ELAVL2: variants seen among roughly 807,000 people sequenced by gnomAD.
The protein encoded by ELAVL2 is ELAV like RNA binding protein 2, also known as ELAV-like protein 2.
A neutral mutation model predicts 34.6 loss-of-function variants in ELAVL2; 4 were observed. That is an observed-to-expected ratio of 0.12 (90% confidence interval 0.06 to 0.26). ELAVL2 has a LOEUF of 0.26. Among genes scored for constraint, ELAVL2 ranks in the 10% least tolerant of loss-of-function variants. ELAVL2 has a pLI of 1.00. For synonymous variants in ELAVL2, 193 were observed against 154.8 expected (o/e 1.25, Z -1.83); for missense variants, 432 against 442.8 (o/e 0.98, Z 0.22).
intron 1 of ELAVL2, among the ~76,000 whole-genome samples, chr9:23,804,645 C>T (rs1338084528): frequency 6.6e-6 from 1 of 152,136 alleles, no homozygotes; most frequent in Non-Finnish European, 1.5e-5. Context: ...AGTCTATTTG[C>T]ATTTTTAATT....
chr9:23,815,565 T>G (rs190855515), intron 1 of ELAVL2, among the ~76,000 whole-genome samples: 1 of 152,196 alleles, frequency 6.6e-6, no homozygotes, highest in Non-Finnish European at 1.5e-5. Context: ...CCTTTCCAAT[T>G]CAGTCAATGT....
At chr9:23,831,804 A>T in the ELAVL2 span, among the ~76,000 whole-genome samples, 37 of 93,308 alleles carry the variant, frequency 4.0e-4, no homozygotes, top group African/African-American at 9.9e-4. Flanking sequence ...ATATTGTTTA[A>T]AAAAAAAAAA....
chr9:23,783,532 C>T, intron 1 of ELAVL2: 7 of 984,604 alleles, frequency 7.1e-6, no homozygotes, highest in Non-Finnish European at 8.4e-6. Context: ...ATGGAGCTTT[C>T]AAATAAGGCT....
At chr9:23,736,651 T>C (rs1436860834) in intron 2 of ELAVL2, among the ~76,000 whole-genome samples, 1 of 152,188 alleles carries the variant, frequency 6.6e-6, no homozygotes, top group African/African-American at 2.4e-5. Context: ...CTGCCAGTCC[T>C]ACCAGCTAAA....
At chr9:23,847,952 G>A in the ELAVL2 span, among the ~76,000 whole-genome samples, 3 of 151,934 alleles carry the variant, frequency 2.0e-5, no homozygotes, top group African/African-American at 4.8e-5. Flanking sequence ...TAAATCTGAT[G>A]GCTTCTTTGA....
upstream of ELAVL2, among the ~76,000 whole-genome samples, chr9:23,828,296 C>T (rs904250859): frequency 2.0e-5 from 3 of 152,154 alleles, no homozygotes; most frequent in Non-Finnish European, 2.9e-5. Flanking sequence ...TTACCATGCT[C>T]GTAGGTTAAT....
intron 2 of ELAVL2, among the ~76,000 whole-genome samples, chr9:23,742,741 C>A (rs2049560252): frequency 6.6e-6 from 1 of 152,066 alleles, no homozygotes; most frequent in Admixed American, 6.6e-5. Flanking sequence ...CGTCCCCAGT[C>A]GACACAAGGA....
At chr9:23,709,282 A>C (rs2040272460) in intron 3 of ELAVL2, among the ~76,000 whole-genome samples, 1 of 152,154 alleles carries the variant, frequency 6.6e-6, no homozygotes, top group Non-Finnish European at 1.5e-5. Flanking sequence ...TTCATCTAAA[A>C]AGATTATAAA....
intron 4 of ELAVL2, among the ~76,000 whole-genome samples, chr9:23,702,951 CAAAAAAAAAAAAA>C (rs58828236): frequency 9.7e-4 from 46 of 47,652 alleles, no homozygotes; most frequent in Non-Finnish European, 1.0e-3. Context: ...ATCAGATTAG[CAAAAAAAAAAAAA>C]AAAAAAAAAA....
At chr9:23,788,017 C>A (rs2137089638) in intron 1 of ELAVL2, among the ~76,000 whole-genome samples, 1 of 152,224 alleles carries the variant, frequency 6.6e-6, no homozygotes, top group African/African-American at 2.4e-5. Context: ...GCGCAAAAAA[C>A]CAGGTTGGAA....
the ELAVL2 span, among the ~76,000 whole-genome samples, chr9:23,838,215 TA>T: frequency 1.3e-5 from 2 of 152,230 alleles, no homozygotes; most frequent in South Asian, 4.1e-4. Flanking sequence ...CTTTTTTTTT[TA>T]CATTTTCTGC....
chr9:23,702,418 C>G (rs545243245), intron 4 of ELAVL2, among the ~76,000 whole-genome samples: 1 of 152,226 alleles, frequency 6.6e-6, no homozygotes, highest in East Asian at 1.9e-4. Context: ...TAGCCAAGAA[C>G]CTTTCCAGGT....
chr9:23,762,296 CTAT>C (rs1404306701), intron 1 of ELAVL2, 47 bp from the exon 2 acceptor site: 1 of 1,582,126 alleles, frequency 6.3e-7, no homozygotes, highest in Non-Finnish European at 8.6e-7. Flanking sequence ...ATTTCACAAC[CTAT>C]TAGAGACTCC....
chr9:23,710,625 A>AT lies in ELAVL2; in HGVS notation c.334-5555dup, dbSNP rs1441692231. On this transcript the variant is annotated intron_variant, in intron 3 of 6. Transcript: ENST00000397312. ...AGGACTACAAACATTAAACCTGAAA[A>AT]TTAGACACTTGCCACTTTAGACTTT... 6.6e-5 allele frequency among the ~76,000 whole-genome samples: 10 copies of AT among 152,344 alleles called. 1 individual carries two copies. Among genetic ancestry groups the AT allele is most frequent in the African/African-American group, 2.4e-4 (10 of 41,578 alleles).
chr9:23,760,927 C>CA (rs2054831886), intron 2 of ELAVL2, among the ~76,000 whole-genome samples: 1 of 151,930 alleles, frequency 6.6e-6, no homozygotes, highest in Non-Finnish European at 1.5e-5. Flanking sequence ...CGGAATAGCT[C>CA]AAAGTCCCAT....
chr9:23,766,921 T>G (rs2056392596), intron 1 of ELAVL2, among the ~76,000 whole-genome samples: 1 of 152,164 alleles, frequency 6.6e-6, no homozygotes, highest in South Asian at 2.1e-4. Context: ...CATATTCCAG[T>G]GAAACAGAGC....
intron 1 of ELAVL2, among the ~76,000 whole-genome samples, chr9:23,803,094 T>G (rs911159653): frequency 1.3e-5 from 2 of 152,164 alleles, no homozygotes; most frequent in African/African-American, 2.4e-5. Flanking sequence ...TTAGCCCATA[T>G]AGATAAACCT....
At chr9:23,848,904 T>C in the ELAVL2 span, among the ~76,000 whole-genome samples, 2 of 152,172 alleles carry the variant, frequency 1.3e-5, no homozygotes, top group East Asian at 3.9e-4. Flanking sequence ...TCCATTCCAA[T>C]TTAGGGCATC....
chr9:23,817,247 TAA>T (rs56712790), intron 1 of ELAVL2, among the ~76,000 whole-genome samples: 2 of 151,748 alleles, frequency 1.3e-5, no homozygotes, highest in East Asian at 3.9e-4. Flanking sequence ...CAAGTTTATT[TAA>T]AAAAAAGACA....
Sources: allele counts gnomAD v4.1 joint callset (sites outside exome capture counted in the v4.1 genomes callset), GRCh38; gene constraint gnomAD v4.1.1; transcripts MANE v1.5; gene names NCBI Gene and HGNC (gene_info 2026-07-23, HGNC 2026-07-21).